DIXDC1: variants seen among roughly 807,000 people sequenced by gnomAD.
The protein encoded by DIXDC1 is dixin.
DIXDC1 carries 64 observed loss-of-function variants against 103.1 expected under a neutral mutation model. That is an observed-to-expected ratio of 0.62 (90% CI 0.51 to 0.76). The LOEUF is 0.76. DIXDC1 is among the 30% of genes least tolerant of loss of function. DIXDC1 has a pLI of 0.00. For missense variants in DIXDC1, 759 were observed against 834.2 expected (o/e 0.91, Z 1.11); for synonymous variants, 266 against 298.5 (o/e 0.89, Z 1.12).
chr11:111,943,607 C>A lies in DIXDC1; in HGVS notation c.60+6048C>A, dbSNP rs1966495081. On this transcript the variant is annotated intron_variant, in intron 1 of 19. Transcript: ENST00000440460. ...CTCCGCCTCCCGGGTTCAAGCAATT[C>A]TCCTGCCTCAGCCTCCCGAGTAGCT... Among the ~76,000 whole-genome samples, 4 of 148,170 alleles carry A rather than the reference C, an allele frequency of 2.7e-5. No homozygotes were observed. The Middle Eastern group carries it at 0.01, about 383-fold the overall frequency.
chr11:111,983,945 T>C (rs587692914), intron 7 of DIXDC1, among the ~76,000 whole-genome samples: 1 of 152,356 alleles, frequency 6.6e-6, no homozygotes, highest in African/African-American at 2.4e-5. Flanking sequence ...TAGTATTCCT[T>C]AGTTAGAACC....
rs1221666046 is a variant in DIXDC1, at chr11:111,966,397, A to ATTTTTTTTTTT, written c.190+1733_190+1743dup. 2.0e-3 allele frequency among the ~76,000 whole-genome samples: 116 copies of ATTTTTTTTTTT among 58,638 alleles called. 5 individuals carry two copies. The highest frequency in any genetic ancestry group is 6.8e-3 in the African/African-American group (107 of 15,638). 38.5% of individuals were successfully genotyped at this position (58,638 alleles called of 152,430 possible). A position where few individuals can be genotyped will look rare whatever the true frequency, so the allele number is the denominator to read the frequency against. On this transcript the variant is annotated intron_variant, in intron 2 of 19. Transcript: ENST00000440460. ...ACCACCACGCCAAGCTAATTTTTGT[A>ATTTTTTTTTTT]TTTTTTTTTTTTTTTTTTTTTTTTG...
intron 10 of DIXDC1, among the ~76,000 whole-genome samples, chr11:111,991,040 C>G (rs1860697064): frequency 6.6e-6 from 1 of 152,174 alleles, no homozygotes; most frequent in Admixed American, 6.5e-5. Context: ...GGGAGTATAT[C>G]TGTGCAATAA....
chr11:112,015,838 TC>T (rs1861572426), intron 17 of DIXDC1, among the ~76,000 whole-genome samples: 1 of 94,646 alleles, frequency 1.1e-5, no homozygotes, highest in Non-Finnish European at 1.9e-5. Context: ...AGGGACAGAG[TC>T]TCACTCTGTC....
Position 111,998,088 on chromosome 11 carries a change from C to T in DIXDC1, c.1756+1942C>T, listed in dbSNP as rs1283743638. Among the ~76,000 whole-genome samples, 1 of 152,204 alleles carries T rather than the reference C, an allele frequency of 6.6e-6. No homozygotes were observed. The highest frequency in any genetic ancestry group is 2.4e-5 in the African/African-American group (1 of 41,446). The stretch of plus-strand genomic sequence containing the variant: ...TCTGTTGACTTTCTTGTCGCCTAAT[C>T]AAGTGGTTACTTTTTAAACCTTATC... On this transcript the variant is annotated intron_variant, in intron 17 of 19. Transcript: ENST00000440460. The surrounding 1 kb of genome is among the most constrained non-coding windows in gnomAD (Gnocchi z 4.1).
intron 3 of DIXDC1, 140 bp downstream of exon 3, chr11:111,968,778 G>GATT (rs1218744189): frequency 9.8e-5 from 111 of 1,135,414 alleles, no homozygotes; most frequent in Non-Finnish European, 1.2e-5. Context: ...TTTATTTCAT[G>GATT]ATTATTATTT....
intron 17 of DIXDC1, among the ~76,000 whole-genome samples, chr11:112,000,666 C>T (rs1231180704): frequency 5.3e-5 from 8 of 151,054 alleles, no homozygotes; most frequent in African/African-American, 1.9e-4. Flanking sequence ...CATTGCACTC[C>T]AGCCTGGCAC....
Position 111,977,624 on chromosome 11 carries a change from C to G in DIXDC1, c.656+2641C>G, listed in dbSNP as rs114157516. The G allele has an allele frequency of 3.9e-3, 5,936 of 1,539,172 alleles. 121 individuals are homozygous for G. Among genetic ancestry groups the G allele is most frequent in the African/African-American group, 0.037 (2,681 of 72,370 alleles). On this transcript the variant is annotated intron_variant, in intron 5 of 19. Coordinates refer to ENST00000440460, the MANE Select transcript of DIXDC1 (RefSeq NM_001037954.4). This position sits in a 1 kb window ranked among gnomAD's most constrained non-coding sequence, Gnocchi z 6.1. ...TCCCGCTTTCTCCCGCGAGCCGGGC[C>G]AGTAGCTTTGCTAGCTGGCCTTCCC...
upstream of DIXDC1, chr11:111,937,141 G>GGGGGGTT: frequency 2.7e-6 from 2 of 751,986 alleles, no homozygotes; most frequent in Non-Finnish European, 1.6e-6. Flanking sequence ...CGGGGGGGGG[G>GGGGGGTT]TGTGCGCGTG....
intron 17 of DIXDC1, among the ~76,000 whole-genome samples, chr11:111,997,921 C>T (rs1860953736): frequency 6.6e-6 from 1 of 152,200 alleles, no homozygotes; most frequent in South Asian, 2.1e-4. Context: ...TAGCTACTGA[C>T]TTATTTCTCT....
At chr11:111,987,735 C>G (rs1555174038) in intron 9 of DIXDC1, among the ~76,000 whole-genome samples, 2 of 150,446 alleles carry the variant, frequency 1.3e-5, no homozygotes, top group Non-Finnish European at 1.5e-5. Context: ...CCTCAGCTCA[C>G]TGCAACCTCT....
rs781881821 is a variant in DIXDC1, at chr11:111,982,294, C to A, written c.770-45C>A. 9 of 1,588,340 alleles carry A rather than the reference C, an allele frequency of 5.7e-6. No individual in the cohort carries two copies. The East Asian group carries it at 6.7e-5, about 12-fold the overall frequency. On this transcript the variant is annotated intron_variant, in intron 6 of 19. Transcript: ENST00000440460. ...CCTGTGAACGCTGTCTGCTGGAAAT[C>A]AGTTTTCTTCAACATGAACTGTACT...
At chr11:111,995,953 A>G (rs1860885414) in intron 16 of DIXDC1, 127 bp from the exon 17 acceptor site, 1 of 830,504 alleles carries the variant, frequency 1.2e-6, no homozygotes, top group Non-Finnish European at 2.0e-6. Flanking sequence ...AATATATTAG[A>G]TTTTATATGT....
At position 112,020,659 on chromosome 11, in the gene DIXDC1, C is replaced by T. The variant is rs112192177; in HGVS notation, c.*1623C>T. ...TTTCAGAACAAGCTTTATTTTATTA[C>T]GAGTATATTAATGACAACTAATTCC... On this transcript the variant is annotated 3_prime_UTR_variant, in exon 20 of 20. Coordinates refer to ENST00000440460, the MANE Select transcript of DIXDC1 (RefSeq NM_001037954.4). 2.0e-4 allele frequency: 30 copies of T among 152,266 alleles called. No individual in the cohort carries two copies. The highest frequency in any genetic ancestry group is 6.0e-4 in the African/African-American group (25 of 41,574). 9.4% of individuals were successfully genotyped at this position (152,266 alleles called of 1,614,324 possible).
At chr11:111,969,399 A>T (rs587640936) in intron 3 of DIXDC1, among the ~76,000 whole-genome samples, 139 of 152,304 alleles carry the variant, frequency 9.1e-4, no homozygotes, top group African/African-American at 3.2e-3. Context: ...TAAGATACTC[A>T]TAACCTACAT....
At position 111,980,738 on chromosome 11, in the gene DIXDC1, C is replaced by G. The variant is rs587763740; in HGVS notation, c.658C>G (p.Leu220Val). ...TTCTTCCTTTTTCTTCAATCACAGC[C>G]TGACTTCACCCAGTCCAATCCACAG... ...RSPSESSCSSLTSPSPIHSAK... is the reference protein window; with the variant it reads ...RSPSESSCSSVTSPSPIHSAK... Residue 220 changes from leucine to valine, a missense_variant and splice_region_variant, in exon 6 of 20, where the codon CTG becomes GTG. Physicochemically the swap from Leu to Val is conservative, Grantham distance 32. Coordinates refer to ENST00000440460, the MANE Select transcript of DIXDC1 (RefSeq NM_001037954.4). The G allele has an allele frequency of 6.2e-6, 10 of 1,612,582 alleles. No individual in the cohort carries two copies. In the African/African-American group the frequency reaches 1.3e-4, roughly 22 times the overall value.
intron 3 of DIXDC1, 90 bp from the exon 4 acceptor site, chr11:111,973,933 C>A: frequency 8.0e-7 from 1 of 1,249,728 alleles, no homozygotes; most frequent in Non-Finnish European, 1.1e-6. Flanking sequence ...GTATCACTAG[C>A]AATATGTAAT....
chr11:111,941,560 A>G (rs1486435175), intron 1 of DIXDC1, among the ~76,000 whole-genome samples: 1 of 152,080 alleles, frequency 6.6e-6, no homozygotes, highest in East Asian at 1.9e-4. Flanking sequence ...TCATACCTAT[A>G]ATCCCAGCAC....
At position 111,937,485 on chromosome 11, in the gene DIXDC1, C is replaced by T. The variant is rs782525581; in HGVS notation, c.-15C>T. 6.4e-7 allele frequency: 1 copy of T among 1,574,472 alleles called. No homozygotes were observed. Among genetic ancestry groups the T allele is most frequent in the Non-Finnish European group, 8.6e-7 (1 of 1,160,648 alleles). ...CGGGCTGGAGACCCCGCCCGGGGAG[C>T]CCCCAGCAGGAACAATGCTAGCCTG... is the stretch of plus-strand genomic sequence containing the variant. On this transcript the variant is annotated 5_prime_UTR_variant, in exon 1 of 20. Coordinates refer to ENST00000440460, the MANE Select transcript of DIXDC1 (RefSeq NM_001037954.4).
Sources: allele counts gnomAD v4.1 joint callset (sites outside exome capture counted in the v4.1 genomes callset), GRCh38; gene constraint gnomAD v4.1.1; non-coding constraint Gnocchi (gnomAD v3.1); transcripts MANE v1.5; gene names NCBI Gene and HGNC (gene_info 2026-07-23, HGNC 2026-07-21).